Variants in GNAQ observed in about 807,000 individuals in gnomAD.
The protein encoded by GNAQ is G protein subunit alpha q.
GNAQ carries 8 observed loss-of-function variants against 43.9 expected under a neutral mutation model. That is an observed-to-expected ratio of 0.18 (90% CI 0.11 to 0.33). The LOEUF (loss-of-function observed/expected upper bound fraction) is 0.33. Ranked by LOEUF, GNAQ falls within the 10% of genes least tolerant of loss-of-function variation. The pLI is 1.00. For missense variants in GNAQ, 158 were observed against 450.8 expected (o/e 0.35, Z 5.88); for synonymous variants, 155 against 170.7 (o/e 0.91, Z 0.71).
intron 1 of GNAQ, among the ~76,000 whole-genome samples, chr9:78,021,886 C>T (rs1430254741): frequency 2.6e-5 from 4 of 152,252 alleles, no homozygotes; most frequent in Admixed American, 6.5e-5. Flanking sequence ...AGCCGAGCAG[C>T]GCTGGAACAC....
intron 1 of GNAQ, among the ~76,000 whole-genome samples, chr9:77,983,906 C>G (rs962170176): frequency 6.6e-6 from 1 of 151,802 alleles, no homozygotes; most frequent in Non-Finnish European, 1.5e-5. Context: ...TTACCGAGAT[C>G]CTACTGTGTG....
chr9:77,799,391 T>C (rs1826707814), intron 3 of GNAQ, among the ~76,000 whole-genome samples: 1 of 152,166 alleles, frequency 6.6e-6, no homozygotes, highest in Non-Finnish European at 1.5e-5. Flanking sequence ...TCAGTGGACA[T>C]GACCTACCCA....
intron 5 of GNAQ, among the ~76,000 whole-genome samples, chr9:77,749,294 C>G (rs529872726): frequency 6.6e-6 from 1 of 152,270 alleles, no homozygotes; most frequent in South Asian, 2.1e-4. Context: ...CGAGCTGATG[C>G]CAGTTAAGAC....
At position 77,894,261 on chromosome 9, in the gene GNAQ, C is replaced by G. The variant is rs1168634614; in HGVS notation, c.321+27900G>C. On this transcript the variant is annotated intron_variant, in intron 2 of 6. Coordinates refer to ENST00000286548, the MANE Select transcript of GNAQ (RefSeq NM_002072.5). ...TAAATTTTAAATGTTTCATTTAAGT[C>G]ATAAAAGAAGCAGTATTGCTAATAA... Among the ~76,000 whole-genome samples, 3 of 122,600 alleles carry G rather than the reference C, an allele frequency of 2.4e-5. No homozygotes were observed. The East Asian group carries it at 7.4e-4, about 30-fold the overall frequency. 80.4% of individuals were successfully genotyped at this position (122,600 alleles called of 152,430 possible).
At chr9:77,924,621 G>A (rs1043997334) in intron 1 of GNAQ, among the ~76,000 whole-genome samples, 3 of 152,082 alleles carry the variant, frequency 2.0e-5, no homozygotes, top group Middle Eastern at 3.2e-3. Context: ...ATGAAATCAC[G>A]TTGGGCAAGA....
chr9:77,770,047 A>G (rs1826198609), intron 5 of GNAQ, among the ~76,000 whole-genome samples: 1 of 152,196 alleles, frequency 6.6e-6, no homozygotes, highest in South Asian at 2.1e-4. Flanking sequence ...AATGATGCAC[A>G]CTAGTGAATG....
chr9:78,012,239 T>C (rs928366543), intron 1 of GNAQ, among the ~76,000 whole-genome samples: 1 of 70,072 alleles, frequency 1.4e-5, no homozygotes, highest in Non-Finnish European at 3.0e-5. Flanking sequence ...AGGCATTTTC[T>C]TTTTTTTTTT....
chr9:78,031,375 G>C lies in GNAQ; in HGVS notation c.-140C>G. On this transcript the variant is annotated 5_prime_UTR_variant, in exon 1 of 7. Transcript: ENST00000286548. ...CGGGCGCGCGTCCGGGACGAGCTCC[G>C]GGAACCGCCGCGGGGGCGGCGGCCA... 1 of 483,648 alleles carries C rather than the reference G, an allele frequency of 2.1e-6. No individual in the cohort carries two copies. The highest frequency in any genetic ancestry group is 3.0e-6 in the Non-Finnish European group (1 of 327,936). 30.0% of individuals were successfully genotyped at this position (483,648 alleles called of 1,614,324 possible).
chr9:77,808,743 G>A (rs1163657707), intron 3 of GNAQ, among the ~76,000 whole-genome samples: 1 of 152,124 alleles, frequency 6.6e-6, no homozygotes, highest in African/African-American at 2.4e-5. Context: ...TGAGGAAAGT[G>A]ACGCTTAGTC....
intron 5 of GNAQ, among the ~76,000 whole-genome samples, chr9:77,790,762 G>A (rs977982027): frequency 6.6e-6 from 1 of 152,204 alleles, no homozygotes; most frequent in African/African-American, 2.4e-5. Context: ...TGGTCTGGAA[G>A]GGCAGGGGAC....
At chr9:77,838,957 CT>C (rs1827440119) in intron 2 of GNAQ, among the ~76,000 whole-genome samples, 1 of 152,000 alleles carries the variant, frequency 6.6e-6, no homozygotes, top group African/African-American at 2.4e-5. Flanking sequence ...ACTCCCAAAA[CT>C]TTAGTTTCTG....
chr9:77,886,800 T>C (rs115659077), intron 2 of GNAQ, among the ~76,000 whole-genome samples: 2,081 of 152,168 alleles, frequency 0.014, 57 homozygotes, highest in African/African-American at 0.048. Flanking sequence ...CAGCTTAGCA[T>C]GTTAGCCATC....
chr9:77,815,055 T>C (rs951471420), intron 3 of GNAQ, among the ~76,000 whole-genome samples: 1 of 152,200 alleles, frequency 6.6e-6, no homozygotes, highest in African/African-American at 2.4e-5. Flanking sequence ...CTGGAATGTA[T>C]GCAAAATTAG....
At chr9:77,980,464 G>A (rs922806843) in intron 1 of GNAQ, among the ~76,000 whole-genome samples, 2 of 152,054 alleles carry the variant, frequency 1.3e-5, no homozygotes, top group Admixed American at 6.6e-5. Context: ...AATGCTAGAC[G>A]GAAATTTGGT....
chr9:77,979,368 AATT>A (rs1317845620), intron 1 of GNAQ, among the ~76,000 whole-genome samples: 49 of 146,678 alleles, frequency 3.3e-4, no homozygotes, highest in South Asian at 6.5e-4. Flanking sequence ...AAAAAAAAAA[AATT>A]AAATTAAATT....
intron 2 of GNAQ, among the ~76,000 whole-genome samples, chr9:77,878,647 A>G (rs967504507): frequency 6.6e-6 from 1 of 152,202 alleles, no homozygotes; most frequent in African/African-American, 2.4e-5. Context: ...CCTGAAAAAA[A>G]AAAGAGAAGA....
chr9:77,841,933 C>A (rs995965076), intron 2 of GNAQ, among the ~76,000 whole-genome samples: 1 of 152,140 alleles, frequency 6.6e-6, no homozygotes, highest in Non-Finnish European at 1.5e-5. Context: ...AAAAGCATGG[C>A]TTCAGTTTTG....
Position 77,731,339 on chromosome 9 carries a change from C to T in GNAQ, c.736-2672G>A, listed in dbSNP as rs149847207. On this transcript the variant is annotated intron_variant, in intron 5 of 6. Coordinates refer to ENST00000286548, the MANE Select transcript of GNAQ (RefSeq NM_002072.5). ...GCCCGACTGAGCCCAGCATTGTGTT[C>T]CAGAGACAACTTGCCCAGGGTGCTG... Among the ~76,000 whole-genome samples, 8 of 152,238 alleles carry T rather than the reference C, an allele frequency of 5.3e-5. No individual in the cohort carries two copies. In the East Asian group the frequency reaches 1.4e-3, roughly 26 times the overall value.
chr9:77,928,896 T>C (rs985654341), intron 1 of GNAQ, among the ~76,000 whole-genome samples: 2 of 152,094 alleles, frequency 1.3e-5, no homozygotes, highest in Non-Finnish European at 2.9e-5. Flanking sequence ...GAGGCGCCTA[T>C]AATCTCAGCT....
Sources: allele counts gnomAD v4.1 joint callset (sites outside exome capture counted in the v4.1 genomes callset), GRCh38; gene constraint gnomAD v4.1.1; transcripts MANE v1.5; gene names NCBI Gene and HGNC (gene_info 2026-07-23, HGNC 2026-07-21).